The following TCF7L2 variants were observed in gnomAD, a reference collection of about 807,000 sequenced individuals.
TCF7L2 encodes the protein transcription factor 7 like 2, also known as transcription factor 7-like 2.
A neutral mutation model predicts 77.9 loss-of-function variants in TCF7L2; 23 were observed. The observed-to-expected ratio is 0.30, with a 90% confidence interval of 0.21 to 0.42. The LOEUF (loss-of-function observed/expected upper bound fraction) is 0.42, where lower values mean the gene tolerates loss of function less well. Ranked by LOEUF, TCF7L2 falls within the 10% of genes least tolerant of loss-of-function variation. The pLI is 1.00. For synonymous variants in TCF7L2, 413 were observed against 340.2 expected (o/e 1.21, Z -2.36); for missense variants, 654 against 793.1 (o/e 0.82, Z 2.11).
intron 5 of TCF7L2, among the ~76,000 whole-genome samples, chr10:113,094,275 A>C (rs2060704052): frequency 6.6e-6 from 1 of 152,232 alleles, no homozygotes; most frequent in Non-Finnish European, 1.5e-5. Context: ...ATTAGACCAC[A>C]TCCTATGTGG....
At chr10:112,967,012 T>A (rs1278289038) in intron 4 of TCF7L2, among the ~76,000 whole-genome samples, 4 of 151,816 alleles carry the variant, frequency 2.6e-5, no homozygotes, top group Non-Finnish European at 5.9e-5. Flanking sequence ...AAATGGCATC[T>A]AGCTGTAATT....
rs202047283 is a variant in TCF7L2 at position 113,054,731 on chromosome 10, T to TAA, written c.552+14606_552+14607insAA. Among the ~76,000 whole-genome samples the TAA allele has an allele frequency of 6.3e-3, 953 of 152,334 alleles. 13 individuals carry two copies. Among genetic ancestry groups the TAA allele is most frequent in the African/African-American group, 0.022 (923 of 41,574 alleles). Reference sequence around the variant, plus strand: ...TATGAAAACCGAGTTCAGGTTTTTATACTTTTCGACATCTATTTATATTAA... The same window carrying TAA: ...TATGAAAACCGAGTTCAGGTTTTTATAAACTTTTCGACATCTATTTATATTAA... On this transcript the variant is annotated intron_variant, in intron 5 of 13. Coordinates refer to ENST00000627217, the MANE Select transcript of TCF7L2 (RefSeq NM_001146274.2).
chr10:113,057,312 G>C (rs992893850), intron 5 of TCF7L2, among the ~76,000 whole-genome samples: 1 of 152,226 alleles, frequency 6.6e-6, no homozygotes, highest in African/African-American at 2.4e-5. Context: ...TCGGATTACA[G>C]GTGTGCACCA....
chr10:113,064,841 C>G (rs2057029398), intron 5 of TCF7L2, among the ~76,000 whole-genome samples: 1 of 152,222 alleles, frequency 6.6e-6, no homozygotes, highest in Admixed American at 6.5e-5. Flanking sequence ...CTTCCCCTCT[C>G]TAGGCCTGCC....
At chr10:113,125,823 T>C (rs2065496335) in intron 5 of TCF7L2, 3 of 152,172 alleles carry the variant, frequency 2.0e-5, no homozygotes. Context: ...TTCTGAAGCA[T>C]TGGAAGGCAG....
chr10:113,051,408 C>G (rs1156862562), intron 5 of TCF7L2, among the ~76,000 whole-genome samples: 1 of 152,172 alleles, frequency 6.6e-6, no homozygotes, highest in Non-Finnish European at 1.5e-5. Flanking sequence ...TCTTCTGTCC[C>G]TTACAACCAA....
chr10:113,082,024 C>G (rs1327216319), intron 5 of TCF7L2, among the ~76,000 whole-genome samples: 9 of 151,876 alleles, frequency 5.9e-5, no homozygotes, highest in Non-Finnish European at 1.2e-4. Flanking sequence ...TTTTAGTAGA[C>G]ACAGGGTTTC....
intron 3 of TCF7L2, among the ~76,000 whole-genome samples, chr10:112,963,360 T>C (rs981129800): frequency 2.0e-5 from 3 of 152,242 alleles, no homozygotes; most frequent in African/African-American, 7.2e-5. Flanking sequence ...ATACAAATTA[T>C]CTGGATCTGA....
chr10:113,046,641 T>A (rs1384513513), intron 5 of TCF7L2, among the ~76,000 whole-genome samples: 1 of 152,236 alleles, frequency 6.6e-6, no homozygotes, highest in Non-Finnish European at 1.5e-5. Flanking sequence ...CATCAGTGAC[T>A]GGTATCTTAG....
At chr10:112,958,990 C>T (rs142141789) in intron 3 of TCF7L2, among the ~76,000 whole-genome samples, 4 of 152,174 alleles carry the variant, frequency 2.6e-5, no homozygotes, top group Non-Finnish European at 4.4e-5. Context: ...CTTCAGCCCA[C>T]GTGTTTTTCT....
intron 5 of TCF7L2, among the ~76,000 whole-genome samples, chr10:113,135,771 A>G (rs905916848): frequency 1.3e-5 from 2 of 152,332 alleles, no homozygotes; most frequent in Middle Eastern, 3.4e-3. Context: ...AAAATATTCA[A>G]TGCCCTGTGG....
chr10:113,051,008 T>C (rs2054327303), intron 5 of TCF7L2, among the ~76,000 whole-genome samples: 1 of 152,198 alleles, frequency 6.6e-6, no homozygotes, highest in South Asian at 2.1e-4. Context: ...ATTTTTTTTT[T>C]TCTGATAATG....
At chr10:112,987,118 C>A (rs180844224) in intron 4 of TCF7L2, among the ~76,000 whole-genome samples, 2 of 152,124 alleles carry the variant, frequency 1.3e-5, no homozygotes, top group Admixed American at 6.6e-5. Flanking sequence ...AAATACTTAC[C>A]GAGCATCTTC....
At chr10:113,044,318 T>C (rs550975600) in intron 5 of TCF7L2, among the ~76,000 whole-genome samples, 59 of 152,330 alleles carry the variant, frequency 3.9e-4, no homozygotes, top group African/African-American at 1.4e-3. Flanking sequence ...TCGAGGAAGC[T>C]CAGAGGGCAT....
intron 5 of TCF7L2, among the ~76,000 whole-genome samples, chr10:113,051,127 T>C (rs188075053): frequency 6.6e-6 from 1 of 151,900 alleles, no homozygotes; most frequent in Admixed American, 6.6e-5. Context: ...TATGTGATAT[T>C]TATTATGAGT....
At chr10:113,097,646 G>GAAAAAAAAA (rs869133669) in intron 5 of TCF7L2, among the ~76,000 whole-genome samples, 2 of 36,740 alleles carry the variant, frequency 5.4e-5, no homozygotes, top group African/African-American at 2.2e-4. Context: ...TCTTGTCTCG[G>GAAAAAAAAA]AAAAAAAAAA....
chr10:112,975,781 C>T (rs1244551838), intron 4 of TCF7L2, among the ~76,000 whole-genome samples: 1 of 152,200 alleles, frequency 6.6e-6, no homozygotes, highest in Non-Finnish European at 1.5e-5. Context: ...CATGGTCGGC[C>T]TGTAGGGTGT....
At chr10:112,991,128 C>T (rs2042454836) in intron 4 of TCF7L2, among the ~76,000 whole-genome samples, 1 of 152,124 alleles carries the variant, frequency 6.6e-6, no homozygotes, top group South Asian at 2.1e-4. Flanking sequence ...CCTTTGGGGA[C>T]CCACTTCCCC....
chr10:112,967,762 A>G (rs1006354933), intron 4 of TCF7L2, among the ~76,000 whole-genome samples: 1 of 151,294 alleles, frequency 6.6e-6, no homozygotes, highest in East Asian at 1.9e-4. Context: ...CAGCCTCCCG[A>G]GTAGCTGGGA....
Sources: allele counts gnomAD v4.1 joint callset (sites outside exome capture counted in the v4.1 genomes callset), GRCh38; gene constraint gnomAD v4.1.1; transcripts MANE v1.5; gene names NCBI Gene and HGNC (gene_info 2026-07-23, HGNC 2026-07-21).